Variants in LRRTM4 observed in about 807,000 individuals in gnomAD.
LRRTM4 encodes leucine-rich repeat transmembrane neuronal protein 4.
A neutral mutation model predicts 47.6 loss-of-function variants in LRRTM4; 25 were observed. That is an observed-to-expected ratio of 0.53 (90% CI 0.38 to 0.73). LRRTM4 has a LOEUF of 0.73. Ranked by LOEUF, LRRTM4 falls within the 30% of genes least tolerant of loss-of-function variation. The pLI, the probability that LRRTM4 is intolerant of heterozygous loss-of-function variation, is 0.00. For synonymous variants in LRRTM4, 311 were observed against 269.5 expected (o/e 1.15, Z -1.51); for missense variants, 638 against 713.4 (o/e 0.89, Z 1.20).
intron 3 of LRRTM4, among the ~76,000 whole-genome samples, chr2:77,285,798 T>C (rs144549858): frequency 0.02 from 3,046 of 151,990 alleles, 99 homozygotes; most frequent in African/African-American, 0.069. Flanking sequence ...AAGCAACATA[T>C]ATTTTTAGGT....
chr2:76,885,523 C>T (rs1188260983), intron 3 of LRRTM4, among the ~76,000 whole-genome samples: 2 of 144,490 alleles, frequency 1.4e-5, no homozygotes, highest in Non-Finnish European at 1.5e-5. Context: ...AGTGCAGTGG[C>T]GCGATCTCGG....
At chr2:76,915,971 T>A (rs889569362) in intron 3 of LRRTM4, among the ~76,000 whole-genome samples, 1 of 152,130 alleles carries the variant, frequency 6.6e-6, no homozygotes, top group African/African-American at 2.4e-5. Flanking sequence ...TAGTGAGCCA[T>A]AGATTAGTTA....
chr2:77,459,916 T>C (rs1202587330), intron 3 of LRRTM4, among the ~76,000 whole-genome samples: 4 of 152,140 alleles, frequency 2.6e-5, no homozygotes, highest in Non-Finnish European at 5.9e-5. Flanking sequence ...AATGAGCTTC[T>C]GCCTCTTACT....
At chr2:77,396,116 G>GT (rs1488691330) in intron 3 of LRRTM4, among the ~76,000 whole-genome samples, 5 of 151,394 alleles carry the variant, frequency 3.3e-5, no homozygotes, top group African/African-American at 1.2e-4. Flanking sequence ...TAATTTTGTT[G>GT]TTTTTTTAAT....
chr2:77,495,705 T>G (rs1233464370), intron 3 of LRRTM4, among the ~76,000 whole-genome samples: 3 of 152,046 alleles, frequency 2.0e-5, no homozygotes, highest in Non-Finnish European at 4.4e-5. Flanking sequence ...ATGTGTGGGT[T>G]ATTTTTGGAT....
intron 3 of LRRTM4, among the ~76,000 whole-genome samples, chr2:76,966,308 G>A (rs1257141677): frequency 1.3e-5 from 2 of 151,302 alleles, no homozygotes; most frequent in Admixed American, 1.3e-4. Context: ...TGGGGAAAAG[G>A]AGGAGCAGGG....
intron 3 of LRRTM4, among the ~76,000 whole-genome samples, chr2:77,161,568 AATAAATGTTCTAG>A (rs1672729469): frequency 6.6e-6 from 1 of 152,118 alleles, no homozygotes; most frequent in Admixed American, 6.6e-5. Flanking sequence ...CTTCCTTAAT[AATAAATGTTCTAG>A]GCATTTTGTC....
intron 3 of LRRTM4, among the ~76,000 whole-genome samples, chr2:77,424,120 A>C (rs1265024601): frequency 6.6e-6 from 1 of 152,128 alleles, no homozygotes; most frequent in Non-Finnish European, 1.5e-5. Flanking sequence ...ACTGTACTTA[A>C]GAGGACTGAG....
chr2:77,122,599 C>A (rs1346546360), intron 3 of LRRTM4, among the ~76,000 whole-genome samples: 1 of 150,970 alleles, frequency 6.6e-6, no homozygotes, highest in Non-Finnish European at 1.5e-5. Flanking sequence ...CATGCACACA[C>A]CATTTCTGCA....
chr2:76,905,105 G>C (rs1337027010), intron 3 of LRRTM4, among the ~76,000 whole-genome samples: 1 of 152,136 alleles, frequency 6.6e-6, no homozygotes, highest in African/African-American at 2.4e-5. Context: ...CCCCCCAGTA[G>C]GGGCAGACTG....
chr2:77,197,945 A>T (rs537632823), intron 3 of LRRTM4, among the ~76,000 whole-genome samples: 1 of 152,198 alleles, frequency 6.6e-6, no homozygotes, highest in Non-Finnish European at 1.5e-5. Flanking sequence ...TTTTCATTTT[A>T]GTTTTCTTTT....
At chr2:77,292,204 C>T (rs1365354242) in intron 3 of LRRTM4, among the ~76,000 whole-genome samples, 1 of 149,444 alleles carries the variant, frequency 6.7e-6, no homozygotes, top group Non-Finnish European at 1.5e-5. Context: ...ACAACAGGTG[C>T]TGGAGAGGAT....
At position 77,390,837 on chromosome 2, in the gene LRRTM4, T is replaced by C. The variant is rs1194488540; in HGVS notation, c.1551+127481A>G. 2.0e-5 allele frequency among the ~76,000 whole-genome samples: 3 copies of C among 151,832 alleles called. 1 individual carries two copies. The highest frequency in any genetic ancestry group is 2.0e-4 in the Admixed American group (3 of 15,190). On this transcript the variant is annotated intron_variant, in intron 3 of 3. Coordinates refer to ENST00000409884, the MANE Select transcript of LRRTM4 (RefSeq NM_001134745.3). Reference sequence around the variant, plus strand: ...TTTGATGAAAATATATTTCATATACTTTGTAAACAACTATACTTTAATTTT... The same window carrying C: ...TTTGATGAAAATATATTTCATATACCTTGTAAACAACTATACTTTAATTTT...
Position 77,519,124 on chromosome 2 carries a change from T to C in LRRTM4, c.745A>G (p.Thr249Ala). Residue 249 changes from threonine (T) to alanine (A), a missense_variant, in exon 3 of 4, where the codon ACA becomes GCA. Transcript: ENST00000409884. The surrounding 1 kb of genome is among the most constrained non-coding windows in gnomAD (Gnocchi z 4.6). ...TTGTGTAAGGAACTCCAAGTCCATG[T>C]CAAACCTTGGCTAATGGAGCGAATC... Reference protein sequence around the residue: ...NRIRSISQGLTWTWSSLHNLD... With the variant: ...NRIRSISQGLAWTWSSLHNLD... 6.2e-7 allele frequency: 1 copy of C among 1,613,104 alleles called. No homozygotes were observed. The highest frequency in any genetic ancestry group is 8.5e-7 in the Non-Finnish European group (1 of 1,179,508).
intron 3 of LRRTM4, among the ~76,000 whole-genome samples, chr2:76,884,013 T>A (rs1287638544): frequency 6.7e-6 from 1 of 149,132 alleles, no homozygotes; most frequent in Non-Finnish European, 1.5e-5. Context: ...AGAACTGGGG[T>A]CTCGCTATGT....
At chr2:77,183,099 T>A (rs1673395299) in intron 3 of LRRTM4, among the ~76,000 whole-genome samples, 1 of 152,050 alleles carries the variant, frequency 6.6e-6, no homozygotes, top group African/African-American at 2.4e-5. Context: ...CTAATTAAAC[T>A]AAAGAGCTTC....
chr2:77,111,135 A>G (rs1471280134), intron 3 of LRRTM4, among the ~76,000 whole-genome samples: 1 of 152,116 alleles, frequency 6.6e-6, no homozygotes, highest in African/African-American at 2.4e-5. Context: ...TTTGAGATGG[A>G]GTCTTGCTCT....
intron 3 of LRRTM4, among the ~76,000 whole-genome samples, chr2:77,263,732 G>A (rs968190288): frequency 2.6e-5 from 4 of 152,012 alleles, no homozygotes; most frequent in African/African-American, 9.7e-5. Flanking sequence ...TTAATCCCCT[G>A]GCTAATGTAG....
chr2:77,198,998 A>G (rs139032203), intron 3 of LRRTM4, among the ~76,000 whole-genome samples: 33 of 152,296 alleles, frequency 2.2e-4, no homozygotes, highest in African/African-American at 6.3e-4. Flanking sequence ...ACAGAGTGAC[A>G]TCTCCAACTT....
Sources: gnomAD v4.1 joint callset for allele counts (sites outside exome capture counted in the v4.1 genomes callset) on GRCh38, gnomAD v4.1.1 for gene constraint, Gnocchi (gnomAD v3.1) non-coding constraint, MANE v1.5 for transcripts, NCBI Gene and HGNC (gene_info 2026-07-23, HGNC 2026-07-21) for gene names.